The following ARFGAP1 variants were observed in gnomAD, a reference collection of about 807,000 sequenced individuals.
ARFGAP1 encodes the protein ADP-ribosylation factor GTPase-activating protein 1.
ARFGAP1 carries 26 observed loss-of-function variants against 54.0 expected under a neutral mutation model. That is an observed-to-expected ratio of 0.48 (90% CI 0.35 to 0.67). ARFGAP1 has a LOEUF of 0.67. Ranked by LOEUF, ARFGAP1 falls within the 30% of genes least tolerant of loss-of-function variation. The pLI is 0.00. For synonymous variants in ARFGAP1, 248 were observed against 211.9 expected (o/e 1.17, Z -1.48); for missense variants, 525 against 535.8 (o/e 0.98, Z 0.20).
intron 2 of ARFGAP1, 83 bp downstream of exon 2, chr20:63,275,723 TC>T: frequency 7.4e-7 from 1 of 1,350,574 alleles, no homozygotes; most frequent in Non-Finnish European, 1.1e-6. Context: ...AGCCTGTAGT[TC>T]TGGGACCCTC....
At chr20:63,283,496 C>A (rs1428151879) in intron 9 of ARFGAP1, 1 of 318,816 alleles carries the variant, frequency 3.1e-6, no homozygotes, top group Non-Finnish European at 5.8e-6. Flanking sequence ...GCGCCTTTGC[C>A]CCCTGGGCGA....
Position 63,285,771 on chromosome 20 carries a change from C to T in ARFGAP1, c.834+58C>T, listed in dbSNP as rs1488649861. 1.0e-5 allele frequency: 16 copies of T among 1,592,918 alleles called. No individual in the cohort carries two copies. In the East Asian group the frequency reaches 2.0e-4, roughly 20 times the overall value. On this transcript the variant is annotated intron_variant, in intron 11 of 12. Transcript: ENST00000370283. ...GAAGCCAGTCTCCATATTCCACGGCCCTGGGCGTGAGAGCAGGGTGTGCCC... is the reference window on the plus strand; with the variant it reads ...GAAGCCAGTCTCCATATTCCACGGCTCTGGGCGTGAGAGCAGGGTGTGCCC...
At chr20:63,277,364 T>G (rs2067261729) in intron 5 of ARFGAP1, 59 bp downstream of exon 5, 2 of 1,418,196 alleles carry the variant, frequency 1.4e-6, no homozygotes, top group Non-Finnish European at 1.9e-6. Flanking sequence ...CTTAGTAGAT[T>G]GGGTTTCCCA....
intron 9 of ARFGAP1, chr20:63,283,978 A>ACATGTG: frequency 6.4e-7 from 1 of 1,564,770 alleles, no homozygotes; most frequent in Non-Finnish European, 8.7e-7. Flanking sequence ...GTCTTGTGTC[A>ACATGTG]CCTCACATGT....
At position 63,276,323 on chromosome 20, in the gene ARFGAP1, C is replaced by T. The variant is rs2067237080; in HGVS notation, c.170+123C>T. The stretch of plus-strand genomic sequence containing the variant: ...CACCTCCCATTGCATTGCCAGTGTC[C>T]ACTCTAGTGACGCCATGGCACAGAG... On this transcript the variant is annotated intron_variant, in intron 3 of 12. Transcript: ENST00000370283. The surrounding 1 kb of genome is among the most constrained non-coding windows in gnomAD (Gnocchi z 5.2). 7.3e-7 allele frequency: 1 copy of T among 1,368,868 alleles called. No homozygotes were observed. The highest frequency in any genetic ancestry group is 1.0e-6 in the Non-Finnish European group (1 of 980,676). The allele number at this position is 1,368,868 out of a possible 1,614,324, so 84.8% of individuals were successfully genotyped here. A position where few individuals can be genotyped will look rare whatever the true frequency, so the allele number is the denominator to read the frequency against.
intron 11 of ARFGAP1, 23 bp from the exon 12 acceptor site, chr20:63,286,343 C>A (rs753463098): frequency 1.2e-6 from 2 of 1,612,330 alleles, no homozygotes; most frequent in African/African-American, 2.7e-5. Context: ...GCCTGCCTAA[C>A]CTCTCTTCCC....
Position 63,284,938 on chromosome 20 carries a change from G to A in ARFGAP1, c.774+16G>A, listed in dbSNP as rs759323707. 5.6e-5 allele frequency: 91 copies of A among 1,612,764 alleles called. No homozygotes were observed. Among genetic ancestry groups the A allele is most frequent in the African/African-American group, 1.2e-4 (9 of 74,898 alleles). ...GCAGGAGAAGGTAACGGGCAGCTCCGGGTGGTTGTGCCTGGAGCCCTTCAC... is the reference window on the plus strand; with the variant it reads ...GCAGGAGAAGGTAACGGGCAGCTCCAGGTGGTTGTGCCTGGAGCCCTTCAC... On this transcript the variant is annotated intron_variant, in intron 10 of 12. Coordinates refer to ENST00000370283, the MANE Select transcript of ARFGAP1 (RefSeq NM_018209.4).
rs1164347476 is a variant in ARFGAP1, at chr20:63,278,980, GTCCTCCCTGTACTCGGTGAGGACTT to G, written c.613_627+10del. The G allele has an allele frequency of 6.2e-7, 1 of 1,613,908 alleles. No individual in the cohort carries two copies. The highest frequency in any genetic ancestry group is 1.3e-5 in the African/African-American group (1 of 74,944). On this transcript the variant is annotated splice_donor_variant and splice_donor_5th_base_variant and coding_sequence_variant and intron_variant, in exon 7 of 13. Coordinates refer to ENST00000370283, the MANE Select transcript of ARFGAP1 (RefSeq NM_018209.4). LOFTEE classifies it high-confidence loss of function. ...AAGATGACTTCCTCAACAACGCCAT[GTCCTCCCTGTACTCGGTGAGGACTT>G]GGCCCTGCAGAGCATCTCCCATGGG... is the stretch of plus-strand genomic sequence containing the variant.
chr20:63,286,112 C>T (rs374508899), intron 11 of ARFGAP1: 20 of 1,550,120 alleles, frequency 1.3e-5, no homozygotes, highest in African/African-American at 4.1e-5. Context: ...GCTCCTCCCC[C>T]CCAAGCATGT....
intron 5 of ARFGAP1, among the ~76,000 whole-genome samples, chr20:63,277,558 C>T (rs1201647408): frequency 6.6e-6 from 1 of 152,228 alleles, no homozygotes; most frequent in Non-Finnish European, 1.5e-5. Flanking sequence ...GCCGTGTCTG[C>T]CGTGGCGCTG....
At chr20:63,284,949 C>T in intron 10 of ARFGAP1, 27 bp downstream of exon 10, 2 of 1,612,262 alleles carry the variant, frequency 1.2e-6, no homozygotes, top group South Asian at 1.1e-5. Flanking sequence ...GGTGGTTGTG[C>T]CTGGAGCCCT....
chr20:63,288,671 G>T lies in ARFGAP1; in HGVS notation c.*798G>T. On this transcript the variant is annotated 3_prime_UTR_variant, in exon 13 of 13. Coordinates refer to ENST00000370283, the MANE Select transcript of ARFGAP1 (RefSeq NM_018209.4). Reference sequence around the variant, plus strand: ...GGACGTGGCCAGGCAGGAGGGGCCGGGTTCAGGAGCTGAGCAGGGGATGCC... The same window carrying T: ...GGACGTGGCCAGGCAGGAGGGGCCGTGTTCAGGAGCTGAGCAGGGGATGCC... 2.7e-6 allele frequency: 1 copy of T among 375,928 alleles called. No individual in the cohort carries two copies. Among genetic ancestry groups the T allele is most frequent in the Non-Finnish European group, 5.4e-6 (1 of 186,368 alleles). 23.3% of individuals were successfully genotyped at this position (375,928 alleles called of 1,614,324 possible).
chr20:63,274,826 G>A (rs1465400762), intron 1 of ARFGAP1, among the ~76,000 whole-genome samples: 1 of 152,202 alleles, frequency 6.6e-6, no homozygotes, highest in East Asian at 1.9e-4. Context: ...AGTTGAAGTT[G>A]TACTTTGCTG....
intron 1 of ARFGAP1, among the ~76,000 whole-genome samples, chr20:63,275,012 G>A (rs1270128202): frequency 1.3e-5 from 2 of 152,210 alleles, no homozygotes; most frequent in Non-Finnish European, 2.9e-5. Flanking sequence ...GCCCCAGAAG[G>A]ACCTACTGCA....
intron 12 of ARFGAP1, among the ~76,000 whole-genome samples, chr20:63,287,167 C>G (rs1274298384): frequency 2.0e-5 from 3 of 152,262 alleles, no homozygotes; most frequent in Non-Finnish European, 4.4e-5. Context: ...CAGCTGAGGA[C>G]AGAGGGCAGG....
rs1290393502 is a variant in ARFGAP1, at chr20:63,282,926, A to C, written c.717+75A>C. Reference sequence around the variant, plus strand: ...GTCTGACGTCACGTGCAGCACCTGAAGCTGCCTGGTTCCCTCTTCTCAGGC... The same window carrying C: ...GTCTGACGTCACGTGCAGCACCTGACGCTGCCTGGTTCCCTCTTCTCAGGC... On this transcript the variant is annotated intron_variant, in intron 9 of 12. Coordinates refer to ENST00000370283, the MANE Select transcript of ARFGAP1 (RefSeq NM_018209.4). 3.3e-6 allele frequency: 5 copies of C among 1,510,480 alleles called. No individual in the cohort carries two copies. The African/African-American group carries it at 6.9e-5, about 21-fold the overall frequency. 93.6% of individuals were successfully genotyped at this position (1,510,480 alleles called of 1,614,324 possible).
At chr20:63,286,058 C>A in intron 11 of ARFGAP1, 1 of 1,549,742 alleles carries the variant, frequency 6.5e-7, no homozygotes, top group Non-Finnish European at 8.7e-7. Context: ...TGTTTCCTGG[C>A]ATGAGGCGCT....
intron 2 of ARFGAP1, among the ~76,000 whole-genome samples, 191 bp from the exon 3 acceptor site, chr20:63,275,900 G>A (rs183102038): frequency 3.0e-4 from 46 of 152,284 alleles, no homozygotes; most frequent in African/African-American, 1.1e-3. Flanking sequence ...CTAAGGACAG[G>A]TCCGCCTCGT....
chr20:63,286,298 T>TGG, intron 11 of ARFGAP1, 68 bp from the exon 12 acceptor site: 6 of 1,602,016 alleles, frequency 3.7e-6, no homozygotes, highest in Non-Finnish European at 5.1e-6. Context: ...GGCTTGCGTG[T>TGG]GGGGGCCTCC....
Sources: gnomAD v4.1 joint callset for allele counts (sites outside exome capture counted in the v4.1 genomes callset) on GRCh38, gnomAD v4.1.1 for gene constraint, Gnocchi (gnomAD v3.1) non-coding constraint, MANE v1.5 for transcripts, NCBI Gene and HGNC (gene_info 2026-07-23, HGNC 2026-07-21) for gene names.